Variants in CTNNA2 observed in about 807,000 individuals in gnomAD.
CTNNA2 encodes catenin alpha 2, also known as catenin alpha-2.
In CTNNA2, 42 loss-of-function variants were observed where a neutral mutation model predicts 101.0. That is an observed-to-expected ratio of 0.42 (90% CI 0.32 to 0.54). CTNNA2 has a LOEUF of 0.54. Among genes scored for constraint, CTNNA2 ranks in the 20% least tolerant of loss-of-function variants. CTNNA2 has a pLI of 0.14. For synonymous variants in CTNNA2, 450 were observed against 456.4 expected, an observed-to-expected ratio of 0.99 and a Z score of 0.18; for missense variants, 871 against 1,223.1, an observed-to-expected ratio of 0.71 and a Z score of 4.29.
intron 7 of CTNNA2, among the ~76,000 whole-genome samples, chr2:80,267,587 A>T (rs895388): frequency 0.076 from 11,577 of 152,234 alleles, 600 homozygotes; most frequent in South Asian, 0.29. Flanking sequence ...CCTGGATGGG[A>T]AACTACAAAT....
chr2:79,979,660 G>A (rs1691116573), intron 7 of CTNNA2, among the ~76,000 whole-genome samples: 1 of 151,840 alleles, frequency 6.6e-6, no homozygotes, highest in Non-Finnish European at 1.5e-5. Context: ...AGTGGTTTGT[G>A]ATAAAACTAC....
chr2:80,510,372 G>A (rs1027046474), intron 9 of CTNNA2, among the ~76,000 whole-genome samples: 9 of 151,996 alleles, frequency 5.9e-5, no homozygotes, highest in African/African-American at 1.9e-4. Context: ...ATACTGTTAC[G>A]TGAAGTCTCC....
chr2:80,315,658 C>T (rs538448679), intron 7 of CTNNA2, among the ~76,000 whole-genome samples: 5 of 152,324 alleles, frequency 3.3e-5, no homozygotes, highest in African/African-American at 1.2e-4. Context: ...TGGCAAATTG[C>T]TGTTGTCTGT....
rs1052893685 is a variant in CTNNA2 at position 79,244,749 on chromosome 2, G to A, written c.-406+46673G>A. Among the ~76,000 whole-genome samples, 3 of 152,228 alleles carry A rather than the reference G, an allele frequency of 2.0e-5. No individual in the cohort carries two copies. The East Asian group carries it at 5.8e-4, about 29-fold the overall frequency. On this transcript the variant is annotated intron_variant, in intron 2 of 21. Coordinates refer to the CTNNA2 transcript ENST00000466387. Reference sequence around the variant, plus strand: ...TGTTGTTCTTTTTTAATACATATTTGTTGAATAAATGTATGAAAACCTAGC... The same window carrying A: ...TGTTGTTCTTTTTTAATACATATTTATTGAATAAATGTATGAAAACCTAGC...
chr2:79,664,774 C>T (rs1468388599), intron 2 of CTNNA2, among the ~76,000 whole-genome samples: 4 of 137,126 alleles, frequency 2.9e-5, no homozygotes, highest in Non-Finnish European at 6.0e-5. Flanking sequence ...TGCAGTGGCG[C>T]GATCTCGGCT....
intron 3 of CTNNA2, among the ~76,000 whole-genome samples, chr2:79,368,411 A>G (rs565476458): frequency 6.6e-6 from 1 of 152,308 alleles, no homozygotes; most frequent in Admixed American, 6.5e-5. Context: ...CTTCTGCAAT[A>G]AAGCCTTCCC....
intron 2 of CTNNA2, among the ~76,000 whole-genome samples, chr2:79,727,198 G>T (rs1047700244): frequency 2.0e-5 from 3 of 152,180 alleles, no homozygotes; most frequent in African/African-American, 7.2e-5. Flanking sequence ...CAAAAGATTA[G>T]ACTTTGTAAT....
intron 3 of CTNNA2, among the ~76,000 whole-genome samples, chr2:79,760,375 G>A (rs1334722878): frequency 6.6e-6 from 1 of 152,100 alleles, no homozygotes; most frequent in Non-Finnish European, 1.5e-5. Context: ...GGTTATATAT[G>A]TGTGTATTTT....
At chr2:79,393,734 A>G (rs972320393) in intron 4 of CTNNA2, among the ~76,000 whole-genome samples, 1 of 151,718 alleles carries the variant, frequency 6.6e-6, no homozygotes, top group Non-Finnish European at 1.5e-5. Flanking sequence ...TTTCCGTGCT[A>G]CTAAAATTCA....
intron 7 of CTNNA2, among the ~76,000 whole-genome samples, chr2:80,172,330 C>T (rs1317548766): frequency 6.6e-6 from 1 of 152,156 alleles, no homozygotes; most frequent in Non-Finnish European, 1.5e-5. Context: ...AAAATCATTT[C>T]ATTGTTTTGA....
At chr2:79,450,213 T>C (rs1458515130) in intron 4 of CTNNA2, among the ~76,000 whole-genome samples, 1 of 151,912 alleles carries the variant, frequency 6.6e-6, no homozygotes, top group Non-Finnish European at 1.5e-5. Flanking sequence ...ACCACCTGTC[T>C]TGGTCACATT....
intron 15 of CTNNA2, among the ~76,000 whole-genome samples, chr2:80,591,981 T>C (rs1378785765): frequency 6.6e-6 from 1 of 152,200 alleles, no homozygotes; most frequent in Non-Finnish European, 1.5e-5. Context: ...TGCATGCTTT[T>C]CTTTTCATGT....
Position 79,758,397 on chromosome 2 carries a change from C to T in CTNNA2, c.298+13815C>T, listed in dbSNP as rs192948779. On this transcript the variant is annotated intron_variant, in intron 3 of 18. Coordinates refer to ENST00000402739, the MANE Select transcript of CTNNA2 (RefSeq NM_001282597.3). ...CTCTCAGAAACCAAGGCTGGGCAAG[C>T]GTGCTTCTAGATGTGACTCTTCTTT... Among the ~76,000 whole-genome samples, 50 of 152,284 alleles carry T rather than the reference C, an allele frequency of 3.3e-4. 1 individual carries two copies. The highest frequency in any genetic ancestry group is 2.6e-3 in the Admixed American group (40 of 15,294).
intron 7 of CTNNA2, among the ~76,000 whole-genome samples, chr2:79,967,232 G>A (rs562422050): frequency 6.6e-6 from 1 of 152,102 alleles, no homozygotes; most frequent in Admixed American, 6.5e-5. Flanking sequence ...TTTGAATCAA[G>A]ACTGCTTCCT....
intron 2 of CTNNA2, among the ~76,000 whole-genome samples, chr2:79,301,542 T>C (rs558925967): frequency 1.3e-5 from 2 of 152,304 alleles, no homozygotes; most frequent in Non-Finnish European, 1.5e-5. Context: ...CAGTGCTGTA[T>C]GCTCCTACGT....
intron 3 of CTNNA2, among the ~76,000 whole-genome samples, chr2:79,745,503 G>A (rs1173009820): frequency 6.6e-6 from 1 of 151,812 alleles, no homozygotes; most frequent in Non-Finnish European, 1.5e-5. Context: ...TACTGTTAAC[G>A]ATATTCATAT....
intron 2 of CTNNA2, among the ~76,000 whole-genome samples, chr2:79,305,323 T>C (rs1215938369): frequency 6.8e-6 from 1 of 146,072 alleles, no homozygotes; most frequent in East Asian, 2.0e-4. Context: ...TACACATATA[T>C]ATACATATAT....
rs147579622 is a variant in CTNNA2, at chr2:80,429,763, C to T, written c.1290+10162C>T. ...CTGATATTGGGCAGTGAACTAAGCTCACCCACCAGCTTCACGAGTCTTCAC... is the reference window on the plus strand; with the variant it reads ...CTGATATTGGGCAGTGAACTAAGCTTACCCACCAGCTTCACGAGTCTTCAC... On this transcript the variant is annotated intron_variant, in intron 9 of 18. Transcript: ENST00000402739. Among the ~76,000 whole-genome samples, 316 of 152,294 alleles carry T rather than the reference C, an allele frequency of 2.1e-3. No homozygotes were observed. In the Middle Eastern group the frequency reaches 0.031, roughly 15 times the overall value.
intron 3 of CTNNA2, among the ~76,000 whole-genome samples, chr2:79,816,053 T>C (rs1677467392): frequency 6.6e-6 from 1 of 152,192 alleles, no homozygotes; most frequent in South Asian, 2.1e-4. Context: ...GATTCTCTGC[T>C]TGGTCGCTGT....
Sources: allele counts gnomAD v4.1 joint callset (sites outside exome capture counted in the v4.1 genomes callset), GRCh38; gene constraint gnomAD v4.1.1; transcripts MANE v1.5; gene names NCBI Gene and HGNC (gene_info 2026-07-23, HGNC 2026-07-21).